Variants in CLDN16 observed in about 807,000 individuals in gnomAD.
The protein encoded by CLDN16 is claudin 16.
CLDN16 carries 13 observed loss-of-function variants against 24.6 expected under a neutral mutation model. The observed-to-expected ratio is 0.53, with a 90% CI of 0.34 to 0.84. CLDN16 has a LOEUF of 0.84. CLDN16 is among the 40% of genes least tolerant of loss of function. The pLI, the probability that CLDN16 is intolerant of heterozygous loss-of-function variation, is 0.01. For missense variants in CLDN16, 298 were observed against 292.7 expected (o/e 1.02, Z -0.13); for synonymous variants, 116 against 106.7 (o/e 1.09, Z -0.54).
intron 1 of CLDN16, among the ~76,000 whole-genome samples, chr3:190,340,846 G>T (rs1717411708): frequency 6.6e-6 from 1 of 152,140 alleles, no homozygotes; most frequent in East Asian, 1.9e-4. Context: ...GGTAAATATA[G>T]CCATTCCAAA....
rs1313251787 is a variant in CLDN16, at chr3:190,337,083, T to C, written n.121+14422T>C. On this transcript the variant is annotated intron_variant and non_coding_transcript_variant, in intron 1 of 4. Transcript: ENST00000468220. ...ACAGGCTTGGTCCATGGATTGTTCA[T>C]CTCAGTATGTTGGTGTGGACAATGG... Among the ~76,000 whole-genome samples, 3 of 152,218 alleles carry C rather than the reference T, an allele frequency of 2.0e-5. No individual in the cohort carries two copies. The East Asian group carries it at 5.8e-4, about 29-fold the overall frequency.
chr3:190,377,207 A>T (rs2108650801), intron 3 of CLDN16, among the ~76,000 whole-genome samples: 1 of 152,134 alleles, frequency 6.6e-6, no homozygotes, highest in South Asian at 2.1e-4. Flanking sequence ...CTTGGGAAAG[A>T]TCTGCATATT....
chr3:190,312,980 C>T, the CLDN16 span: 12 of 1,614,174 alleles, frequency 7.4e-6, no homozygotes, highest in Non-Finnish European at 1.0e-5. Flanking sequence ...ACAAAGATTG[C>T]TATCACTCCC....
At chr3:190,348,693 A>G (rs751276450) in intron 1 of CLDN16, among the ~76,000 whole-genome samples, 51 of 152,216 alleles carry the variant, frequency 3.4e-4, no homozygotes, top group Non-Finnish European at 6.8e-4. Context: ...GGTCAGGGGT[A>G]CATGTGCAGG....
the CLDN16 span, chr3:190,312,793 T>C: frequency 6.6e-7 from 1 of 1,509,760 alleles, no homozygotes; most frequent in Non-Finnish European, 9.2e-7. Context: ...AAATCAAGTA[T>C]AATGAATCCA....
the CLDN16 span, chr3:190,307,588 T>C: frequency 6.6e-6 from 1 of 152,144 alleles, no homozygotes; most frequent in Non-Finnish European, 1.5e-5. Context: ...AACTAAAATG[T>C]AGGCTATGAA....
rs34082811 is a variant in CLDN16 at position 190,335,708 on chromosome 3, C to CAAAA, written n.121+13067_121+13070dup. On this transcript the variant is annotated intron_variant and non_coding_transcript_variant, in intron 1 of 4. Coordinates refer to the CLDN16 transcript ENST00000468220. ...GCCTGGTGACAGAGCAAGACTCCAT[C>CAAAA]AAAAAAAAAAAAAAAAAAAAAAAGG... 8.2e-3 allele frequency among the ~76,000 whole-genome samples: 487 copies of CAAAA among 59,560 alleles called. 1 individual carries two copies. Among genetic ancestry groups the CAAAA allele is most frequent in the African/African-American group, 8.7e-3 (132 of 15,250 alleles). The allele number at this position is 59,560 out of a possible 152,430, so 39.1% of individuals were successfully genotyped here.
chr3:190,352,013 T>C (rs540844851), intron 1 of CLDN16, among the ~76,000 whole-genome samples: 1 of 152,222 alleles, frequency 6.6e-6, no homozygotes, highest in South Asian at 2.1e-4. Context: ...AGTAATTGCA[T>C]ATATTCTGCA....
chr3:190,297,548 A>G, the CLDN16 span, among the ~76,000 whole-genome samples: 1 of 142,598 alleles, frequency 7.0e-6, no homozygotes, highest in African/African-American at 2.5e-5. Context: ...TATAGATAAT[A>G]ATATAGATAT....
chr3:190,322,086 C>A (rs1221921292), upstream of CLDN16: 1 of 1,614,080 alleles, frequency 6.2e-7, no homozygotes, highest in Admixed American at 1.7e-5. Flanking sequence ...TGGGCGGTCA[C>A]GATGTTGTCG....
intron 1 of CLDN16, among the ~76,000 whole-genome samples, chr3:190,365,714 C>G (rs1238100114): frequency 6.6e-6 from 1 of 151,368 alleles, no homozygotes; most frequent in Non-Finnish European, 1.5e-5. Flanking sequence ...ACCATTAGAA[C>G]TCTTAGGGTC....
intron 2 of CLDN16, among the ~76,000 whole-genome samples, chr3:190,372,864 T>C (rs1248992519): frequency 6.6e-6 from 1 of 151,954 alleles, no homozygotes; most frequent in Non-Finnish European, 1.5e-5. Context: ...TCTGCTTTTG[T>C]GAGCCTGAAT....
chr3:190,296,839 C>T, the CLDN16 span, among the ~76,000 whole-genome samples: 7 of 152,154 alleles, frequency 4.6e-5, no homozygotes, highest in South Asian at 1.2e-3. Context: ...CGTGAGCCAC[C>T]GCGCCCGGCC....
At chr3:190,375,792 A>T (rs1388191522) in intron 3 of CLDN16, among the ~76,000 whole-genome samples, 1 of 151,726 alleles carries the variant, frequency 6.6e-6, no homozygotes, top group Non-Finnish European at 1.5e-5. Context: ...CTGCAACTAA[A>T]TTGTTACTTT....
the CLDN16 span, among the ~76,000 whole-genome samples, chr3:190,312,447 T>TC: frequency 6.6e-6 from 1 of 152,196 alleles, no homozygotes; most frequent in South Asian, 2.1e-4. Flanking sequence ...CTTATTTTTC[T>TC]CCAATAATCC....
chr3:190,338,459 G>T lies in CLDN16; in HGVS notation n.121+15798G>T, dbSNP rs879746546. Among the ~76,000 whole-genome samples, 202 of 152,256 alleles carry T rather than the reference G, an allele frequency of 1.3e-3. 1 individual carries two copies. Among genetic ancestry groups the T allele is most frequent in the Non-Finnish European group, 1.9e-3 (130 of 68,028 alleles). ...ACTTTTCATACCTACGTGAACTGCA[G>T]GTTATCTCTTGGTACCCTCATGCCC... is the stretch of plus-strand genomic sequence containing the variant. On this transcript the variant is annotated intron_variant and non_coding_transcript_variant, in intron 1 of 4. Coordinates refer to the CLDN16 transcript ENST00000468220.
chr3:190,310,034 AT>A, the CLDN16 span: 1 of 741,980 alleles, frequency 1.3e-6, no homozygotes, highest in South Asian at 1.5e-5. Context: ...GTCAGAGATC[AT>A]TTAAATTGTT....
intron 1 of CLDN16, among the ~76,000 whole-genome samples, chr3:190,392,059 C>CTTTTTTTTTTT (rs35220103): frequency 4.8e-5 from 6 of 126,076 alleles, no homozygotes; most frequent in Non-Finnish European, 8.4e-5. Flanking sequence ...CCTTTTCAGT[C>CTTTTTTTTTTT]TTTTTTTTTT....
intron 3 of CLDN16, among the ~76,000 whole-genome samples, chr3:190,380,618 A>G (rs1718350664): frequency 1.3e-5 from 2 of 152,124 alleles, no homozygotes; most frequent in South Asian, 4.1e-4. Flanking sequence ...AACTATCAAC[A>G]GAGTAAACAG....
Sources: gnomAD v4.1 joint callset for allele counts (sites outside exome capture counted in the v4.1 genomes callset) on GRCh38, gnomAD v4.1.1 for gene constraint, MANE v1.5 for transcripts, NCBI Gene and HGNC (gene_info 2026-07-23, HGNC 2026-07-21) for gene names.